KHDRBS2: variants seen among roughly 807,000 people sequenced by gnomAD.
KHDRBS2 encodes KH RNA binding domain containing, signal transduction associated 2.
In KHDRBS2, 26 loss-of-function variants were observed where a neutral mutation model predicts 44.3. The observed-to-expected ratio is 0.59, with a 90% CI of 0.43 to 0.81. KHDRBS2 has a LOEUF of 0.81. Among genes scored for constraint, KHDRBS2 ranks in the 40% least tolerant of loss-of-function variants. The probability of loss-of-function intolerance (pLI) is 0.00; values close to 1 mark genes in which losing one functional copy is unlikely to be tolerated. For missense variants in KHDRBS2, 476 were observed against 433.1 expected, an observed-to-expected ratio of 1.10 and a Z score of -0.88; for synonymous variants, 194 against 151.1, an observed-to-expected ratio of 1.28 and a Z score of -2.08.
At chr6:62,071,850 T>A (rs1427943157) in intron 2 of KHDRBS2, among the ~76,000 whole-genome samples, 1 of 152,174 alleles carries the variant, frequency 6.6e-6, no homozygotes, top group Non-Finnish European at 1.5e-5. Flanking sequence ...ATATAAACTT[T>A]AAAGTAGTTT....
intron 1 of KHDRBS2, among the ~76,000 whole-genome samples, chr6:62,231,788 T>G: frequency 6.6e-6 from 1 of 152,202 alleles, no homozygotes; most frequent in East Asian, 1.9e-4. Flanking sequence ...AGAATTTTCT[T>G]TCTCTGGAAG....
At position 61,994,169 on chromosome 6, in the gene KHDRBS2, T is replaced by C. The variant is rs1395119263; in HGVS notation, c.337-15957A>G. The stretch of plus-strand genomic sequence containing the variant: ...TAAATTACAATTTTCCTAATCTCAA[T>C]GGTCTCAGGAATTCTAATAAAGCCT... On this transcript the variant is annotated intron_variant, in intron 3 of 8. Coordinates refer to ENST00000281156, the MANE Select transcript of KHDRBS2 (RefSeq NM_152688.4). Among the ~76,000 whole-genome samples, 5 of 152,246 alleles carry C rather than the reference T, an allele frequency of 3.3e-5. No individual in the cohort carries two copies. The East Asian group carries it at 7.7e-4, about 24-fold the overall frequency.
chr6:61,743,990 T>C (rs1433031535), intron 6 of KHDRBS2, among the ~76,000 whole-genome samples: 2 of 152,048 alleles, frequency 1.3e-5, no homozygotes, highest in Admixed American at 6.6e-5. Context: ...TAGTATTCCA[T>C]GGTGTATATG....
At chr6:61,818,266 TAAAAA>T (rs60399147) in intron 6 of KHDRBS2, among the ~76,000 whole-genome samples, 3 of 114,488 alleles carry the variant, frequency 2.6e-5, no homozygotes, top group Admixed American at 9.2e-5. Flanking sequence ...CCTCTGTAAG[TAAAAA>T]AAAAAAAAAA....
At position 61,901,588 on chromosome 6, in the gene KHDRBS2, A is replaced by T. The variant is rs188042011; in HGVS notation, c.484-217T>A. 8.0e-4 allele frequency among the ~76,000 whole-genome samples: 122 copies of T among 152,336 alleles called. 1 individual carries two copies. Among genetic ancestry groups the T allele is most frequent in the African/African-American group, 2.8e-3 (118 of 41,588 alleles). ...GAAATTGAAATTGCTTCTTTTATCAAGAAAGTACTCAGCAGGACATCACAT... is the reference window on the plus strand; with the variant it reads ...GAAATTGAAATTGCTTCTTTTATCATGAAAGTACTCAGCAGGACATCACAT... On this transcript the variant is annotated intron_variant, in intron 4 of 8. Transcript: ENST00000281156.
intron 1 of KHDRBS2, among the ~76,000 whole-genome samples, chr6:62,262,038 A>AT (rs1003716671): frequency 4.6e-5 from 7 of 151,774 alleles, no homozygotes; most frequent in South Asian, 4.2e-4. Context: ...CCATTGAGTT[A>AT]TTTTTTTGGA....
At position 62,286,127 on chromosome 6, in the gene KHDRBS2, G is replaced by T; in HGVS notation, c.-179C>A. The T allele has an allele frequency of 1.7e-6, 1 of 577,866 alleles. No individual in the cohort carries two copies. The highest frequency in any genetic ancestry group is 2.0e-5 in the African/African-American group (1 of 50,492). The allele number at this position is 577,866 out of a possible 1,614,324, so 35.8% of individuals were successfully genotyped here. The stretch of plus-strand genomic sequence containing the variant: ...TGCGACTCCCGCCGTCGGGCTGCGT[G>T]GCCCCGCGCCCACACCTGCCCGTCC... On this transcript the variant is annotated 5_prime_UTR_variant, in exon 1 of 9. Coordinates refer to ENST00000281156, the MANE Select transcript of KHDRBS2 (RefSeq NM_152688.4).
intron 6 of KHDRBS2, among the ~76,000 whole-genome samples, chr6:61,781,241 A>G (rs570723421): frequency 1.3e-5 from 2 of 152,294 alleles, no homozygotes; most frequent in African/African-American, 4.8e-5. Flanking sequence ...ATAATTTAGC[A>G]TCCCAGTAAC....
intron 6 of KHDRBS2, among the ~76,000 whole-genome samples, chr6:61,855,927 T>C (rs554621175): frequency 1.3e-5 from 2 of 152,100 alleles, no homozygotes; most frequent in East Asian, 3.9e-4. Flanking sequence ...GTTTTGGTTA[T>C]TGGGATCTCC....
intron 1 of KHDRBS2, among the ~76,000 whole-genome samples, chr6:62,205,487 C>T (rs976791307): frequency 6.6e-6 from 1 of 151,976 alleles, no homozygotes; most frequent in Non-Finnish European, 1.5e-5. Context: ...TGTTTGTGCC[C>T]CAAATAACAA....
intron 2 of KHDRBS2, among the ~76,000 whole-genome samples, chr6:62,144,669 A>C (rs1295057021): frequency 1.3e-5 from 2 of 152,106 alleles, no homozygotes; most frequent in African/African-American, 4.8e-5. Flanking sequence ...TTTTTAAGAA[A>C]GTCTCCTTAG....
At chr6:61,899,173 T>C (rs193291275) in intron 5 of KHDRBS2, among the ~76,000 whole-genome samples, 1 of 152,056 alleles carries the variant, frequency 6.6e-6, no homozygotes, top group East Asian at 1.9e-4. Flanking sequence ...GTTAGCATTC[T>C]AGTAATAAGA....
chr6:61,647,198 A>G, the KHDRBS2 span, among the ~76,000 whole-genome samples: 1 of 152,334 alleles, frequency 6.6e-6, no homozygotes, highest in Middle Eastern at 3.4e-3. Flanking sequence ...GGATAAAATA[A>G]GATCAATGAA....
chr6:62,193,228 G>A lies in KHDRBS2; in HGVS notation c.92-15916C>T, dbSNP rs529179407. Among the ~76,000 whole-genome samples the A allele has an allele frequency of 2.7e-4, 41 of 152,080 alleles. 1 individual carries two copies. The South Asian group carries it at 8.3e-3, about 31-fold the overall frequency. ...TTCCAGGGATAAACACTTCACCAAA[G>A]ATTGTTCCTCTGTTAAATTTAAGGT... On this transcript the variant is annotated intron_variant, in intron 1 of 8. Coordinates refer to ENST00000281156, the MANE Select transcript of KHDRBS2 (RefSeq NM_152688.4).
intron 6 of KHDRBS2, among the ~76,000 whole-genome samples, chr6:61,881,468 T>G (rs1440166598): frequency 6.6e-6 from 1 of 151,990 alleles, no homozygotes; most frequent in Non-Finnish European, 1.5e-5. Context: ...CATTAGATTA[T>G]GTTCAACTCT....
At chr6:62,222,273 G>A (rs906767562) in intron 1 of KHDRBS2, among the ~76,000 whole-genome samples, 5 of 151,838 alleles carry the variant, frequency 3.3e-5, no homozygotes, top group African/African-American at 4.8e-5. Context: ...GGGGTCTTGG[G>A]GAGAATGTAT....
intron 6 of KHDRBS2, among the ~76,000 whole-genome samples, chr6:61,824,959 G>T (rs1222126938): frequency 6.6e-6 from 1 of 152,078 alleles, no homozygotes; most frequent in East Asian, 1.9e-4. Flanking sequence ...ATATTCACCA[G>T]TATTAAAACT....
chr6:62,066,335 C>A (rs532895388), intron 2 of KHDRBS2, among the ~76,000 whole-genome samples: 1 of 151,750 alleles, frequency 6.6e-6, no homozygotes, highest in East Asian at 2.0e-4. Flanking sequence ...CTGCACAATT[C>A]CATTTTTATC....
At chr6:61,988,448 T>A (rs150399408) in intron 3 of KHDRBS2, among the ~76,000 whole-genome samples, 84 of 152,344 alleles carry the variant, frequency 5.5e-4, no homozygotes, top group African/African-American at 1.9e-3. Flanking sequence ...CTTTTCTTTC[T>A]CAATTCCAAC....
Sources: allele counts gnomAD v4.1 joint callset (sites outside exome capture counted in the v4.1 genomes callset), GRCh38; gene constraint gnomAD v4.1.1; transcripts MANE v1.5; gene names NCBI Gene and HGNC (gene_info 2026-07-23, HGNC 2026-07-21).